PLD5: variants seen among roughly 807,000 people sequenced by gnomAD.
PLD5 encodes the protein phospholipase D family member 5.
Under a neutral mutation model 61.1 loss-of-function variants are expected in PLD5, and 36 were observed. The ratio of observed to expected loss-of-function variants is 0.59; its 90% CI spans 0.45 to 0.78. The LOEUF (loss-of-function observed/expected upper bound fraction) is 0.78. Among genes scored for constraint, PLD5 ranks in the 30% least tolerant of loss-of-function variants. The pLI, the probability that PLD5 is intolerant of heterozygous loss-of-function variation, is 0.00. For synonymous variants in PLD5, 243 were observed against 242.8 expected (o/e 1.00, Z -0.01); for missense variants, 515 against 644.4 (o/e 0.80, Z 2.17).
At chr1:242,418,362 C>T (rs1223225238) in intron 1 of PLD5, among the ~76,000 whole-genome samples, 1 of 152,100 alleles carries the variant, frequency 6.6e-6, no homozygotes, top group East Asian at 1.9e-4. Flanking sequence ...AAGTAAGCAT[C>T]AAACGAATAG....
Position 242,437,863 on chromosome 1 carries a change from C to T in PLD5, c.189+86225G>A, listed in dbSNP as rs1437811270. Among the ~76,000 whole-genome samples, 15 of 152,312 alleles carry T rather than the reference C, an allele frequency of 9.8e-5. No individual in the cohort carries two copies. The East Asian group carries it at 2.3e-3, about 24-fold the overall frequency. On this transcript the variant is annotated intron_variant, in intron 1 of 9. Transcript: ENST00000536534. ...AAGTTAAGAAACGGGCCCAAGATCA[C>T]ATCACACAAAGTGCTTGGCAGAGCC...
Position 242,367,654 on chromosome 1 carries a change from G to A in PLD5, c.190-19412C>T, listed in dbSNP as rs117741456. Among the ~76,000 whole-genome samples, 843 of 152,190 alleles carry A rather than the reference G, an allele frequency of 5.5e-3. 10 individuals are homozygous for A. Among genetic ancestry groups the A allele is most frequent in the African/African-American group, 0.018 (763 of 41,502 alleles). The stretch of plus-strand genomic sequence containing the variant: ...TCCAGAGACATGCAAATAGGAATAC[G>A]CAAACATAGAGGTGGGCAGGTAACT... On this transcript the variant is annotated intron_variant, in intron 1 of 9. Coordinates refer to ENST00000536534, the MANE Select transcript of PLD5 (RefSeq NM_001372062.1).
intron 1 of PLD5, among the ~76,000 whole-genome samples, chr1:242,446,662 A>G (rs956787572): frequency 5.3e-5 from 8 of 152,248 alleles, no homozygotes; most frequent in African/African-American, 9.6e-5. Context: ...AGTTAGACAC[A>G]GCTGTTTAAG....
At chr1:242,180,480 A>G (rs1667448927) in intron 5 of PLD5, among the ~76,000 whole-genome samples, 1 of 152,188 alleles carries the variant, frequency 6.6e-6, no homozygotes, top group South Asian at 2.1e-4. Flanking sequence ...GTGCCAAGCT[A>G]TATTAGTTCC....
At chr1:242,101,954 A>G (rs1314756669) in intron 8 of PLD5, among the ~76,000 whole-genome samples, 1 of 152,202 alleles carries the variant, frequency 6.6e-6, no homozygotes, top group Non-Finnish European at 1.5e-5. Flanking sequence ...TGTGGCTCTC[A>G]GGGCCCTATC....
At chr1:242,426,211 G>A (rs1050780952) in intron 1 of PLD5, among the ~76,000 whole-genome samples, 1 of 151,310 alleles carries the variant, frequency 6.6e-6, no homozygotes, top group Non-Finnish European at 1.5e-5. Context: ...CCACTGGAAG[G>A]TAGTCAGGAG....
At chr1:242,274,528 G>A (rs1395475681) in intron 3 of PLD5, among the ~76,000 whole-genome samples, 1 of 152,242 alleles carries the variant, frequency 6.6e-6, no homozygotes, top group African/African-American at 2.4e-5. Flanking sequence ...GCCGAGGCGG[G>A]TGGATCACAA....
At chr1:242,158,057 T>C (rs1319433042) in intron 5 of PLD5, among the ~76,000 whole-genome samples, 2 of 152,208 alleles carry the variant, frequency 1.3e-5, no homozygotes, top group African/African-American at 4.8e-5. Flanking sequence ...TGAGCTCTGG[T>C]GGGCTCCGCC....
intron 5 of PLD5, chr1:242,147,379 G>T (rs1324019638): frequency 6.6e-6 from 1 of 152,152 alleles, no homozygotes; most frequent in Non-Finnish European, 1.5e-5. Flanking sequence ...GGATTTTATT[G>T]TATGGAATGT....
intron 5 of PLD5, among the ~76,000 whole-genome samples, chr1:242,151,673 GCTT>G (rs778407742): frequency 6.8e-4 from 104 of 152,046 alleles, no homozygotes; most frequent in African/African-American, 2.5e-3. Flanking sequence ...TGGTTTCTGA[GCTT>G]CTTGGATCTA....
chr1:242,373,978 A>AG (rs1482560091), intron 1 of PLD5, among the ~76,000 whole-genome samples: 1 of 151,300 alleles, frequency 6.6e-6, no homozygotes, highest in East Asian at 1.9e-4. Flanking sequence ...AAAAACAAAA[A>AG]AAAAGAATGT....
At chr1:242,515,269 A>G (rs980122062) in intron 1 of PLD5, among the ~76,000 whole-genome samples, 2 of 151,884 alleles carry the variant, frequency 1.3e-5, no homozygotes, top group African/African-American at 4.8e-5. Flanking sequence ...CTGGAGTGCA[A>G]TGGCACAATC....
chr1:242,353,718 C>T (rs1660599300), intron 1 of PLD5, among the ~76,000 whole-genome samples: 1 of 151,946 alleles, frequency 6.6e-6, no homozygotes, highest in African/African-American at 2.4e-5. Flanking sequence ...TACTAATTCT[C>T]TATCAGATAC....
chr1:242,241,334 G>A (rs1398754977), intron 4 of PLD5, among the ~76,000 whole-genome samples: 21 of 152,076 alleles, frequency 1.4e-4, no homozygotes, highest in Non-Finnish European at 1.5e-5. Context: ...ATCTTTTCAT[G>A]GTCCCAGAAG....
At chr1:242,435,237 T>C (rs1179205614) in intron 1 of PLD5, among the ~76,000 whole-genome samples, 1 of 152,138 alleles carries the variant, frequency 6.6e-6, no homozygotes, top group African/African-American at 2.4e-5. Context: ...AGGGCTTTGA[T>C]GGTCATTTGC....
chr1:242,165,991 C>G (rs1448435405), intron 5 of PLD5, among the ~76,000 whole-genome samples: 1 of 152,222 alleles, frequency 6.6e-6, no homozygotes, highest in Non-Finnish European at 1.5e-5. Flanking sequence ...CGCTGCCCCG[C>G]ACCACACCCT....
chr1:242,124,471 T>C lies in PLD5; in HGVS notation c.930A>G (p.Val310=), dbSNP rs1662629451. 2 of 1,613,244 alleles carry C rather than the reference T, an allele frequency of 1.2e-6. No homozygotes were observed. Among genetic ancestry groups the C allele is most frequent in the East Asian group, 2.2e-5 (1 of 44,870 alleles). Residue 310 remains valine, a synonymous_variant, in exon 6 of 10, where the codon GTA becomes GTG. Coordinates refer to ENST00000536534, the MANE Select transcript of PLD5 (RefSeq NM_001372062.1). ...QLNETKSQAF[V]SNSPKLFCPK... ...GGAGAAAGGGAAAACAACTCACCGA[T>C]ACAAATGCTTGAGATTTGGTTTCAT...
intron 6 of PLD5, among the ~76,000 whole-genome samples, chr1:242,124,023 A>G (rs552881914): frequency 6.6e-6 from 1 of 152,288 alleles, no homozygotes; most frequent in South Asian, 2.1e-4. Flanking sequence ...ATTCCCTCAG[A>G]TTTGTCTCAT....
At chr1:242,340,844 G>T (rs910123038) in intron 2 of PLD5, among the ~76,000 whole-genome samples, 8 of 152,150 alleles carry the variant, frequency 5.3e-5, no homozygotes, top group African/African-American at 1.9e-4. Flanking sequence ...GAGGGAAGGA[G>T]GGAGGGAGAA....
Sources: allele counts gnomAD v4.1 joint callset (sites outside exome capture counted in the v4.1 genomes callset), GRCh38; gene constraint gnomAD v4.1.1; transcripts MANE v1.5; gene names NCBI Gene and HGNC (gene_info 2026-07-23, HGNC 2026-07-21).